SIPA1L3: variants seen among roughly 807,000 people sequenced by gnomAD.
SIPA1L3 encodes signal-induced proliferation-associated 1-like protein 3.
SIPA1L3 carries 59 observed loss-of-function variants against 150.1 expected under a neutral mutation model. The ratio of observed to expected loss-of-function variants is 0.39; its 90% confidence interval spans 0.32 to 0.49. The LOEUF (loss-of-function observed/expected upper bound fraction) is 0.49, where lower values mean the gene tolerates loss of function less well. Ranked by LOEUF, SIPA1L3 falls within the 20% of genes least tolerant of loss-of-function variation. SIPA1L3 has a pLI of 0.86. For missense variants in SIPA1L3, 2,211 were observed against 2,489.5 expected (o/e 0.89, Z 2.38); for synonymous variants, 1,070 against 1,077.6 (o/e 0.99, Z 0.14).
At chr19:38,059,792 T>C (rs1170027260) in intron 2 of SIPA1L3, among the ~76,000 whole-genome samples, 1 of 151,950 alleles carries the variant, frequency 6.6e-6, no homozygotes, top group Non-Finnish European at 1.5e-5. Context: ...TTTCCTTTTT[T>C]TTGAGACAGA....
chr19:37,944,915 C>A (rs1011209986), intron 1 of SIPA1L3, among the ~76,000 whole-genome samples: 51 of 152,224 alleles, frequency 3.4e-4, no homozygotes, highest in African/African-American at 1.2e-3. Flanking sequence ...GTTGCCACTG[C>A]ACTCCAGCCT....
intron 6 of SIPA1L3, 47 bp downstream of exon 6, chr19:38,101,273 T>C: frequency 7.4e-7 from 1 of 1,344,116 alleles, no homozygotes; most frequent in Non-Finnish European, 9.8e-7. Flanking sequence ...ACTGCACTCC[T>C]ACTCAACAGG....
chr19:38,122,912 T>G (rs1971054860), intron 9 of SIPA1L3, among the ~76,000 whole-genome samples: 1 of 152,170 alleles, frequency 6.6e-6, no homozygotes, highest in Admixed American at 6.6e-5. Flanking sequence ...TCCCCTGGCT[T>G]GGAGCACATT....
intron 18 of SIPA1L3, 147 bp from the exon 19 acceptor site, chr19:38,198,242 T>C: frequency 1.1e-6 from 1 of 924,190 alleles, no homozygotes; most frequent in Middle Eastern, 2.4e-4. Context: ...CAGGCCTCTG[T>C]AGGCTCCAGC....
At chr19:38,107,414 C>G (rs1600080383) in intron 7 of SIPA1L3, among the ~76,000 whole-genome samples, 1 of 152,130 alleles carries the variant, frequency 6.6e-6, no homozygotes, top group East Asian at 1.9e-4. Flanking sequence ...GGTGTGGCTG[C>G]CAGCAGGAGG....
intron 2 of SIPA1L3, among the ~76,000 whole-genome samples, chr19:38,038,618 G>A (rs896283619): frequency 6.7e-6 from 1 of 148,802 alleles, no homozygotes; most frequent in African/African-American, 2.5e-5. Context: ...TCATGTGCAT[G>A]TTACAGTCTG....
intron 2 of SIPA1L3, among the ~76,000 whole-genome samples, chr19:38,044,034 T>C (rs1422630352): frequency 6.6e-6 from 1 of 152,138 alleles, no homozygotes; most frequent in African/African-American, 2.4e-5. Context: ...AGCCCATTTA[T>C]ATCTTGAAGG....
chr19:38,075,567 G>A (rs530878878), intron 2 of SIPA1L3, among the ~76,000 whole-genome samples: 1 of 149,556 alleles, frequency 6.7e-6, no homozygotes, highest in African/African-American at 2.5e-5. Context: ...GATCCCTCGA[G>A]GCCAGGAGTT....
chr19:38,106,794 C>T (rs967680706), intron 7 of SIPA1L3, among the ~76,000 whole-genome samples, 154 bp downstream of exon 7: 1 of 152,222 alleles, frequency 6.6e-6, no homozygotes, highest in African/African-American at 2.4e-5. Context: ...TAGAGAGCAG[C>T]CCAGGTGTGG....
intron 1 of SIPA1L3, among the ~76,000 whole-genome samples, chr19:37,909,827 A>G: frequency 6.6e-6 from 1 of 152,320 alleles, no homozygotes; most frequent in East Asian, 1.9e-4. Context: ...GGAATTTATT[A>G]GCGCTCCCCT....
intron 1 of SIPA1L3, among the ~76,000 whole-genome samples, chr19:38,014,406 T>G (rs1355346906): frequency 6.6e-6 from 1 of 152,054 alleles, no homozygotes; most frequent in African/African-American, 2.4e-5. Context: ...ACAGAAATGT[T>G]GAAGTCAGGA....
rs565820192 is a variant in SIPA1L3 at position 38,004,713 on chromosome 19, G to A, written c.-378-24376G>A. On this transcript the variant is annotated intron_variant, in intron 1 of 21. Transcript: ENST00000222345. Reference sequence around the variant, plus strand: ...TCCCCGAACCAATCACTAATAAGAGGGGTGAGCTCACACTAGCAGGCTGGT... The same window carrying A: ...TCCCCGAACCAATCACTAATAAGAGAGGTGAGCTCACACTAGCAGGCTGGT... 6.5e-4 allele frequency among the ~76,000 whole-genome samples: 99 copies of A among 152,282 alleles called. 1 individual carries two copies. Among genetic ancestry groups the A allele is most frequent in the Admixed American group, 4.0e-3 (61 of 15,296 alleles).
At chr19:37,955,805 G>A (rs193232503) in intron 1 of SIPA1L3, among the ~76,000 whole-genome samples, 146 of 152,260 alleles carry the variant, frequency 9.6e-4, no homozygotes, top group African/African-American at 3.3e-3. Flanking sequence ...ACCATTATTC[G>A]TTAATGGATA....
chr19:38,082,443 G>T lies in SIPA1L3; in HGVS notation c.878G>T (p.Gly293Val), dbSNP rs781621277. 2.5e-6 allele frequency: 4 copies of T among 1,590,324 alleles called. No homozygotes were observed. The highest frequency in any genetic ancestry group is 1.7e-5 in the Admixed American group (1 of 57,652). ...ARKKPARGLGGGDTVDSSIFR... is the reference protein window; with the variant it reads ...ARKKPARGLGVGDTVDSSIFR... ...AAGAAACCTGCGCGGGGCCTCGGCG[G>T]CGGGGACACGGTGGACTCGTCCATC... The change falls in exon 3 of 22, where the codon GGC becomes GTC. Residue 293 changes from glycine to valine, a missense_variant. By Grantham distance (109) the Gly-to-Val change is moderately radical. Coordinates refer to ENST00000222345, the MANE Select transcript of SIPA1L3 (RefSeq NM_015073.3).
At chr19:38,140,900 A>T (rs1382312671) in intron 10 of SIPA1L3, among the ~76,000 whole-genome samples, 1 of 151,938 alleles carries the variant, frequency 6.6e-6, no homozygotes, top group Non-Finnish European at 1.5e-5. Flanking sequence ...TCTACTAAAA[A>T]TACAAAACTT....
chr19:38,146,594 G>T (rs180830039), intron 12 of SIPA1L3, among the ~76,000 whole-genome samples: 56 of 152,226 alleles, frequency 3.7e-4, no homozygotes, highest in African/African-American at 1.3e-3. Flanking sequence ...GAGTACAATT[G>T]CTTACCGTAT....
intron 16 of SIPA1L3, among the ~76,000 whole-genome samples, chr19:38,190,764 TAA>T (rs1431225171): frequency 1.3e-5 from 2 of 152,202 alleles, no homozygotes; most frequent in Non-Finnish European, 2.9e-5. Flanking sequence ...AGTTGAAAAG[TAA>T]AAGTCCCATT....
At position 38,204,145 on chromosome 19, in the gene SIPA1L3, T is replaced by C. The variant is rs1465177598; in HGVS notation, c.5139T>C (p.Asp1713=). The C allele has an allele frequency of 1.3e-6, 2 of 1,559,558 alleles. No homozygotes were observed. Among genetic ancestry groups the C allele is most frequent in the South Asian group, 2.4e-5 (2 of 84,800 alleles). ...TTTCCAGCGAGGAGCCACCCCTGGA[T>C]CTGACAGGCAAGGTGTACCAGCTGG... ...TPTMSEEPPL[D]LTGKVYQLEV... is the part of the protein sequence containing the mutation. The change falls in exon 21 of 22, where the codon GAT becomes GAC. Residue 1713 remains aspartate, a synonymous_variant. Transcript: ENST00000222345.
At chr19:37,954,882 T>A (rs1370282352) in intron 1 of SIPA1L3, among the ~76,000 whole-genome samples, 1 of 150,756 alleles carries the variant, frequency 6.6e-6, no homozygotes, top group African/African-American at 2.4e-5. Flanking sequence ...AGGCCAGGAG[T>A]TCGAGACCAG....
Sources: gnomAD v4.1 joint callset for allele counts (sites outside exome capture counted in the v4.1 genomes callset) on GRCh38, gnomAD v4.1.1 for gene constraint, MANE v1.5 for transcripts, NCBI Gene and HGNC (gene_info 2026-07-23, HGNC 2026-07-21) for gene names.